ADAMTS14: variants seen among roughly 807,000 people sequenced by gnomAD.
ADAMTS14 encodes the protein A disintegrin and metalloproteinase with thrombospondin motifs 14.
Under a neutral mutation model 128.6 loss-of-function variants are expected in ADAMTS14, and 100 were observed. That is an observed-to-expected ratio of 0.78 (90% CI 0.66 to 0.92). The LOEUF is 0.92. Ranked by LOEUF, ADAMTS14 falls within the 40% of genes least tolerant of loss-of-function variation. The pLI is 0.00. For synonymous variants in ADAMTS14, 665 were observed against 653.8 expected, an observed-to-expected ratio of 1.02 and a Z score of -0.26; for missense variants, 1,562 against 1,658.6, an observed-to-expected ratio of 0.94 and a Z score of 1.01.
At chr10:70,710,770 A>G (rs1276646705) in intron 4 of ADAMTS14, among the ~76,000 whole-genome samples, 1 of 152,232 alleles carries the variant, frequency 6.6e-6, no homozygotes, top group Non-Finnish European at 1.5e-5. Flanking sequence ...CATGGTGCAC[A>G]GCATGGCCAT....
At chr10:70,706,712 T>C (rs1840679200) in intron 3 of ADAMTS14, among the ~76,000 whole-genome samples, 1 of 152,218 alleles carries the variant, frequency 6.6e-6, no homozygotes, top group Admixed American at 6.5e-5. Flanking sequence ...CACACGTTTT[T>C]CCAGCTCTTA....
chr10:70,745,390 G>C, intron 15 of ADAMTS14, 84 bp downstream of exon 15: 1 of 1,399,942 alleles, frequency 7.1e-7, no homozygotes, highest in Non-Finnish European at 1.0e-6. Flanking sequence ...CAGAGGACAA[G>C]ATTCTAGTAC....
chr10:70,717,338 G>C (rs1454258255), intron 4 of ADAMTS14, among the ~76,000 whole-genome samples: 1 of 152,140 alleles, frequency 6.6e-6, no homozygotes, highest in East Asian at 1.9e-4. Flanking sequence ...CTGGGGGAGA[G>C]GGCAATTTGG....
chr10:70,733,252 G>A (rs946274825), intron 7 of ADAMTS14, among the ~76,000 whole-genome samples: 9 of 152,332 alleles, frequency 5.9e-5, no homozygotes, highest in Middle Eastern at 6.8e-3. Context: ...AGCCATCTGG[G>A]AATGTTTAAG....
chr10:70,739,652 G>C (rs1009028857), intron 11 of ADAMTS14, among the ~76,000 whole-genome samples: 1 of 152,108 alleles, frequency 6.6e-6, no homozygotes. Flanking sequence ...TTGGCTCTAG[G>C]AATGCAGGAG....
chr10:70,730,346 C>T (rs7895554), intron 6 of ADAMTS14, 97 bp downstream of exon 6: 167,553 of 1,462,756 alleles, frequency 0.11, 15,377 homozygotes, highest in East Asian at 0.44. Flanking sequence ...TTCTGGGGCC[C>T]ACCACATGGA....
chr10:70,700,535 G>A (rs1392310214), intron 2 of ADAMTS14, among the ~76,000 whole-genome samples: 1 of 152,182 alleles, frequency 6.6e-6, no homozygotes, highest in African/African-American at 2.4e-5. Flanking sequence ...GAGGAGGGAG[G>A]ATGAAGCTGG....
intron 2 of ADAMTS14, among the ~76,000 whole-genome samples, chr10:70,684,293 T>A (rs1839894110): frequency 6.6e-6 from 1 of 152,098 alleles, no homozygotes; most frequent in African/African-American, 2.4e-5. Context: ...ACCTCTAACA[T>A]TAGGGATTAC....
At chr10:70,679,679 G>A (rs1387918217) in intron 2 of ADAMTS14, among the ~76,000 whole-genome samples, 2 of 152,266 alleles carry the variant, frequency 1.3e-5, no homozygotes, top group East Asian at 1.9e-4. Context: ...TGGCTGCACC[G>A]TGTTTCCCCC....
At position 70,673,797 on chromosome 10, in the gene ADAMTS14, G is replaced by GCCATTCCT. The variant is rs1476303848; in HGVS notation, c.83-759_83-758insCCATTCCT. On this transcript the variant is annotated intron_variant, in intron 1 of 21. Coordinates refer to ENST00000373207, the MANE Select transcript of ADAMTS14 (RefSeq NM_080722.4). ...GGGAGCTGTCATTCCTGCCCAGCCT[G>GCCATTCCT]GCTGGGCTCAAGGAGAGCTGCGTGA... Among the ~76,000 whole-genome samples, 4 of 152,312 alleles carry GCCATTCCT rather than the reference G, an allele frequency of 2.6e-5. 1 individual carries two copies. The highest frequency in any genetic ancestry group is 9.6e-5 in the African/African-American group (4 of 41,568).
chr10:70,751,115 C>T (rs1226575413), intron 16 of ADAMTS14, among the ~76,000 whole-genome samples: 1 of 152,164 alleles, frequency 6.6e-6, no homozygotes, highest in Non-Finnish European at 1.5e-5. Context: ...AGTATCCGAA[C>T]CATTCTTGTT....
rs186907048 is a variant in ADAMTS14 at position 70,674,813 on chromosome 10, G to A, written c.340G>A (p.Gly114Arg). ...CCTCTACTTCAATGTCACTGTTTTC[G>A]GGAAGGAACTGCACTTGCGCCTGCG... ...HSLYFNVTVFGKELHLRLRPN... is the reference protein window; with the variant it reads ...HSLYFNVTVFRKELHLRLRPN... Residue 114 changes from glycine (G) to arginine (R), a missense_variant, in exon 2 of 22, where the codon GGG (glycine) becomes AGG (arginine). Gly to Arg is a moderately radical substitution (Grantham distance 125). Coordinates refer to ENST00000373207, the MANE Select transcript of ADAMTS14 (RefSeq NM_080722.4). The A allele has an allele frequency of 2.4e-5, 39 of 1,613,694 alleles. No homozygotes were observed. Among genetic ancestry groups the A allele is most frequent in the Admixed American group, 1.7e-4 (10 of 60,004 alleles).
intron 6 of ADAMTS14, 71 bp from the exon 7 acceptor site, chr10:70,732,183 A>G (rs1455710872): frequency 7.5e-7 from 1 of 1,335,674 alleles, no homozygotes; most frequent in Non-Finnish European, 1.1e-6. Flanking sequence ...TGGGCTGGGC[A>G]CAGACCTCAG....
At chr10:70,745,851 ATGTC>A (rs1842163427) in intron 15 of ADAMTS14, among the ~76,000 whole-genome samples, 1 of 151,864 alleles carries the variant, frequency 6.6e-6, no homozygotes, top group African/African-American at 2.4e-5. Flanking sequence ...CCTCGCTCAC[ATGTC>A]TGGTGGTTGG....
intron 18 of ADAMTS14, among the ~76,000 whole-genome samples, chr10:70,753,066 C>G (rs564116411): frequency 1.3e-5 from 2 of 152,340 alleles, no homozygotes; most frequent in South Asian, 4.1e-4. Context: ...GGCCGGTATC[C>G]CCCAGCCCCT....
At chr10:70,734,154 C>G in intron 8 of ADAMTS14, 126 bp downstream of exon 8, 2 of 1,280,958 alleles carry the variant, frequency 1.6e-6, no homozygotes, top group Non-Finnish European at 2.1e-6. Flanking sequence ...ACTCATCTCG[C>G]CTCCCCGCCA....
At position 70,751,634 on chromosome 10, in the gene ADAMTS14, G is replaced by T. The variant is rs1392462110; in HGVS notation, c.2584G>T (p.Ala862Ser). 6.2e-6 allele frequency: 10 copies of T among 1,608,072 alleles called. No individual in the cohort carries two copies. Among genetic ancestry groups the T allele is most frequent in the Non-Finnish European group, 8.5e-6 (10 of 1,175,072 alleles). Residue 862 changes from alanine to serine, a missense_variant, in exon 17 of 22, where the codon GCC becomes TCC. Physicochemically the swap from Ala to Ser is moderately conservative, Grantham distance 99. Coordinates refer to ENST00000373207, the MANE Select transcript of ADAMTS14 (RefSeq NM_080722.4). ...ALKSWAPCSK[A>S]CGGGIQFTKY... ...CAAGAGCTGGGCCCCCTGCAGCAAG[G>T]CCTGTGGAGGAGGTACCGGTTCCCT...
chr10:70,684,433 T>G (rs1839897291), intron 2 of ADAMTS14, among the ~76,000 whole-genome samples: 1 of 152,216 alleles, frequency 6.6e-6, no homozygotes, highest in South Asian at 2.1e-4. Flanking sequence ...GGAAATGGAC[T>G]CTTCCATTTG....
At chr10:70,701,466 C>G (rs1840489568) in intron 2 of ADAMTS14, among the ~76,000 whole-genome samples, 1 of 152,188 alleles carries the variant, frequency 6.6e-6, no homozygotes. Flanking sequence ...GCTCTTGGTA[C>G]TTTGTAGGAT....
Sources: gnomAD v4.1 joint callset for allele counts (sites outside exome capture counted in the v4.1 genomes callset) on GRCh38, gnomAD v4.1.1 for gene constraint, MANE v1.5 for transcripts, NCBI Gene and HGNC (gene_info 2026-07-23, HGNC 2026-07-21) for gene names.